CHD8: variants seen among roughly 807,000 people sequenced by gnomAD.
The protein encoded by CHD8 is chromodomain helicase DNA binding protein 8.
CHD8 carries 31 observed loss-of-function variants against 279.2 expected under a neutral mutation model. That is an observed-to-expected ratio of 0.11 (90% CI 0.08 to 0.15). The LOEUF is 0.15. Among genes scored for constraint, CHD8 ranks in the 10% least tolerant of loss-of-function variants. The pLI, the probability that CHD8 is intolerant of heterozygous loss-of-function variation, is 1.00. For synonymous variants in CHD8, 1,081 were observed against 1,139.6 expected (o/e 0.95, Z 1.04); for missense variants, 2,146 against 3,230.5 (o/e 0.66, Z 8.14).
In CHD8 at chr14:21,402,585, A is replaced by C. The variant is rs530545797; in HGVS notation, c.3715-82T>G. 1 of 1,322,630 alleles carries C rather than the reference A, an allele frequency of 7.6e-7. No homozygotes were observed. The highest frequency in any genetic ancestry group is 1.5e-5 in the African/African-American group (1 of 67,430). 81.9% of individuals were successfully genotyped at this position (1,322,630 alleles called of 1,614,324 possible). On this transcript the variant is annotated intron_variant, in intron 18 of 37. Transcript: ENST00000646647. The surrounding 1 kb of genome is among the most constrained non-coding windows in gnomAD (Gnocchi z 4.5). Reference sequence around the variant, plus strand: ...AAAGGATACAAAATACCAATTTATGATTCTTTCACCTCTATAGAGCAGCCA... The same window carrying C: ...AAAGGATACAAAATACCAATTTATGCTTCTTTCACCTCTATAGAGCAGCCA...
intron 5 of CHD8, among the ~76,000 whole-genome samples, chr14:21,421,779 T>C (rs1019343706): frequency 4.6e-5 from 7 of 152,050 alleles, no homozygotes; most frequent in African/African-American, 1.7e-4. Context: ...AGAATGTGAG[T>C]GTATTAGGAA....
rs773718408 is a variant in CHD8 at position 21,391,973 on chromosome 14, A to C, written c.6772-27T>G. On this transcript the variant is annotated intron_variant, in intron 34 of 37. Transcript: ENST00000646647. ...TAGGAAGACAACCCACCCACCCAAGACATCATATGGTACATGTTTTTCAAA... is the reference window on the plus strand; with the variant it reads ...TAGGAAGACAACCCACCCACCCAAGCCATCATATGGTACATGTTTTTCAAA... The C allele has an allele frequency of 4.1e-6, 6 of 1,458,664 alleles. No homozygotes were observed. The Admixed American group carries it at 1.0e-4, about 24-fold the overall frequency. 90.4% of individuals were successfully genotyped at this position (1,458,664 alleles called of 1,614,324 possible).
intron 5 of CHD8, among the ~76,000 whole-genome samples, chr14:21,417,635 A>G (rs1228388567): frequency 6.6e-6 from 1 of 151,796 alleles, no homozygotes; most frequent in African/African-American, 2.4e-5. Flanking sequence ...CAGGCGCATC[A>G]TGAGGTCAGG....
chr14:21,447,857 G>A (rs1890164952), intron 1 of CHD8, among the ~76,000 whole-genome samples: 1 of 152,056 alleles, frequency 6.6e-6, no homozygotes, highest in Admixed American at 6.6e-5. Context: ...GACTGGATCT[G>A]GAGAAGTTGC....
At chr14:21,407,186 T>C (rs915238908) in intron 13 of CHD8, among the ~76,000 whole-genome samples, 154 bp from the exon 14 acceptor site, 6 of 152,186 alleles carry the variant, frequency 3.9e-5, no homozygotes, top group Non-Finnish European at 7.3e-5. Context: ...TGAAAAATAG[T>C]GCCATATCAC....
chr14:21,436,928 G>A (rs1161038962), intron 1 of CHD8: 1 of 1,288,488 alleles, frequency 7.8e-7, no homozygotes, highest in African/African-American at 1.5e-5. Flanking sequence ...GTTGGTGCCA[G>A]TAAGGTCCAT....
chr14:21,451,874 T>C (rs897822119), intron 1 of CHD8, among the ~76,000 whole-genome samples: 18 of 152,202 alleles, frequency 1.2e-4, no homozygotes, highest in African/African-American at 3.9e-4. Flanking sequence ...GAGATTAAGA[T>C]ACTTTGTAGT....
chr14:21,440,284 G>A (rs1889923372), intron 1 of CHD8, among the ~76,000 whole-genome samples: 1 of 152,070 alleles, frequency 6.6e-6, no homozygotes. Context: ...TCGGCTCACT[G>A]CAACCTCTGC....
intron 1 of CHD8, among the ~76,000 whole-genome samples, chr14:21,451,303 C>T (rs1890249421): frequency 1.3e-5 from 2 of 152,086 alleles, no homozygotes; most frequent in Non-Finnish European, 2.9e-5. Context: ...GGTGCGGTAG[C>T]TCACACCTGT....
intron 1 of CHD8, among the ~76,000 whole-genome samples, chr14:21,447,831 A>C (rs1011136091): frequency 6.6e-6 from 1 of 151,886 alleles, no homozygotes; most frequent in Non-Finnish European, 1.5e-5. Context: ...GGAACATTAG[A>C]CTTAGGTCAA....
chr14:21,394,915 T>C lies in CHD8; in HGVS notation c.5387A>G (p.Gln1796Arg), dbSNP rs1185285984. The stretch of plus-strand genomic sequence containing the variant: ...CAAGTTCCCAGCTATATTTTACCGT[T>C]GTTGTTTCTCCCGCCGTGCAATTTC... The part of the protein sequence containing the change: ...LKEIARREKQ[Q>R]RWTRREQTDF... Residue 1796 changes from glutamine (Q) to arginine (R), a missense_variant, in exon 30 of 38, where the codon CAA (glutamine) becomes CGA (arginine). Physicochemically the swap from Gln to Arg is conservative, Grantham distance 43. Around this residue, in one of 26 missense-constraint regions of CHD8, gnomAD observed 513 missense variants for 637.6 expected, o/e 0.80. Coordinates refer to ENST00000646647, the MANE Select transcript of CHD8 (RefSeq NM_001170629.2). The C allele has an allele frequency of 1.2e-6, 2 of 1,613,566 alleles. No individual in the cohort carries two copies. Among genetic ancestry groups the C allele is most frequent in the East Asian group, 2.2e-5 (1 of 44,892 alleles).
At position 21,412,901 on chromosome 14, in the gene CHD8, TC is replaced by T. The variant is rs1566431174; in HGVS notation, c.2226+11del. On this transcript the variant is annotated intron_variant, in intron 10 of 37. Coordinates refer to ENST00000646647, the MANE Select transcript of CHD8 (RefSeq NM_001170629.2). ...GAGGATGTTCACGTTACTCCATGCC[TC>T]AACAACTCACCTCCCCATTGTCCTT... is the stretch of plus-strand genomic sequence containing the variant. 1 of 1,550,804 alleles carries T rather than the reference TC, an allele frequency of 6.4e-7. No individual in the cohort carries two copies. Among genetic ancestry groups the T allele is most frequent in the East Asian group, 2.2e-5 (1 of 44,550 alleles).
chr14:21,399,368 G>GAAC, intron 26 of CHD8: 1 of 499,594 alleles, frequency 2.0e-6, no homozygotes, highest in South Asian at 2.1e-5. Flanking sequence ...AGTGATTAGA[G>GAAC]AACAGATGGG....
chr14:21,395,780 A>T, intron 28 of CHD8, 37 bp downstream of exon 28: 2 of 1,215,640 alleles, frequency 1.6e-6, no homozygotes, highest in Non-Finnish European at 1.2e-6. Context: ...ACTATTTAGT[A>T]ATAGAGAAAA....
intron 1 of CHD8, among the ~76,000 whole-genome samples, chr14:21,435,190 C>G (rs937119748): frequency 2.0e-5 from 3 of 152,122 alleles, no homozygotes; most frequent in Non-Finnish European, 4.4e-5. Context: ...AGAATCATGA[C>G]AGAAATCTTG....
At position 21,402,192 on chromosome 14, in the gene CHD8, G is replaced by T; in HGVS notation, c.3883-56C>A. On this transcript the variant is annotated intron_variant, in intron 19 of 37. Coordinates refer to ENST00000646647, the MANE Select transcript of CHD8 (RefSeq NM_001170629.2). This position sits in a 1 kb window ranked among gnomAD's most constrained non-coding sequence, Gnocchi z 4.5. ...TATCAAGAGAATAATATCTAACCAT[G>T]CCATAATATTTTAGCTATTATATTT... is the stretch of plus-strand genomic sequence containing the variant. The T allele has an allele frequency of 6.8e-7, 1 of 1,463,282 alleles. No individual in the cohort carries two copies. Among genetic ancestry groups the T allele is most frequent in the Non-Finnish European group, 9.3e-7 (1 of 1,073,148 alleles). The allele number at this position is 1,463,282 out of a possible 1,614,324, so 90.6% of individuals were successfully genotyped here. A position where few individuals can be genotyped will look rare whatever the true frequency, so the allele number is the denominator to read the frequency against.
intron 10 of CHD8, among the ~76,000 whole-genome samples, chr14:21,411,287 C>CA (rs1253239335): frequency 6.6e-6 from 1 of 152,160 alleles, no homozygotes; most frequent in Non-Finnish European, 1.5e-5. Context: ...ACAATACTAC[C>CA]ACCCCAACTT....
chr14:21,391,359 C>G, intron 36 of CHD8, 104 bp downstream of exon 36: 1 of 1,061,528 alleles, frequency 9.4e-7, no homozygotes. Context: ...CCTTATCTTG[C>G]AGATACAGAA....
intron 1 of CHD8, chr14:21,437,393 C>G: frequency 2.3e-6 from 1 of 430,606 alleles, no homozygotes; most frequent in Non-Finnish European, 3.3e-6. Flanking sequence ...CCCCCTCCCC[C>G]GCAGGTTAGG....
Sources: gnomAD v4.1 joint callset for allele counts (sites outside exome capture counted in the v4.1 genomes callset) on GRCh38, gnomAD v4.1.1 for gene constraint, gnomAD v4.1.1 regional missense constraint, Gnocchi (gnomAD v3.1) non-coding constraint, MANE v1.5 for transcripts, NCBI Gene and HGNC (gene_info 2026-07-23, HGNC 2026-07-21) for gene names.